The following FAR2 variants were observed in gnomAD, a reference collection of about 807,000 sequenced individuals.
FAR2 encodes the protein epididymis secretory protein Li 81.
FAR2 carries 19 observed loss-of-function variants against 56.0 expected under a neutral mutation model. The observed-to-expected ratio is 0.34, with a 90% confidence interval of 0.24 to 0.50. FAR2 has a LOEUF of 0.50. Ranked by LOEUF, FAR2 falls within the 20% of genes least tolerant of loss-of-function variation. The probability of loss-of-function intolerance (pLI) is 0.98; values close to 1 mark genes in which losing one functional copy is unlikely to be tolerated. For synonymous variants in FAR2, 219 were observed against 218.8 expected, an observed-to-expected ratio of 1.00 and a Z score of -0.01; for missense variants, 508 against 642.2, an observed-to-expected ratio of 0.79 and a Z score of 2.26.
intron 1 of FAR2, among the ~76,000 whole-genome samples, chr12:29,194,374 G>T (rs765715463): frequency 1.2e-4 from 19 of 152,044 alleles, no homozygotes; most frequent in Non-Finnish European, 1.2e-4. Flanking sequence ...AGCTAAATGC[G>T]CATTTCTTCC....
chr12:29,273,161 C>G (rs1948647633), intron 2 of FAR2, among the ~76,000 whole-genome samples: 1 of 152,118 alleles, frequency 6.6e-6, no homozygotes, highest in Non-Finnish European at 1.5e-5. Flanking sequence ...CACTTTGTCC[C>G]TTGGTGGAGA....
At chr12:29,285,691 C>A (rs1257690974) in intron 2 of FAR2, among the ~76,000 whole-genome samples, 1 of 152,134 alleles carries the variant, frequency 6.6e-6, no homozygotes, top group Non-Finnish European at 1.5e-5. Flanking sequence ...GAGGTCGAGG[C>A]AGACAGATCA....
At chr12:29,307,181 A>G (rs1490275221) in intron 4 of FAR2, among the ~76,000 whole-genome samples, 1 of 152,228 alleles carries the variant, frequency 6.6e-6, no homozygotes, top group African/African-American at 2.4e-5. Context: ...TATGTGTTCA[A>G]TGAGTGTACT....
intron 8 of FAR2, among the ~76,000 whole-genome samples, chr12:29,315,012 G>A (rs1246481542): frequency 6.6e-6 from 1 of 152,050 alleles, no homozygotes; most frequent in African/African-American, 2.4e-5. Flanking sequence ...AAACAAAACA[G>A]ACAAAATTTT....
At position 29,297,029 on chromosome 12, in the gene FAR2, T is replaced by C. The variant is rs1949083774; in HGVS notation, c.374T>C (p.Val125Ala). 6.2e-7 allele frequency: 1 copy of C among 1,606,364 alleles called. No homozygotes were observed. Among genetic ancestry groups the C allele is most frequent in the African/African-American group, 1.3e-5 (1 of 74,452 alleles). ...TGCTTAATCTTCTCTAGACATGCTG[T>C]GCAACTTAACGTCACTGCCACCCGG... The part of the protein sequence containing the change: ...VRFDDTLRHA[V>A]QLNVTATRQL... The change falls in exon 4 of 12, where the codon GTG becomes GCG. Residue 125 changes from valine to alanine, a missense_variant. Transcript: ENST00000536681.
At chr12:29,217,102 T>C (rs1160733298) in intron 1 of FAR2, among the ~76,000 whole-genome samples, 2 of 152,234 alleles carry the variant, frequency 1.3e-5, no homozygotes, top group Non-Finnish European at 2.9e-5. Flanking sequence ...GATTAGGATA[T>C]TCTGACTAGA....
chr12:29,238,689 G>A lies in FAR2; in HGVS notation c.-38-31723G>A, dbSNP rs567013365. ...ACCAACATTTGTGACATTTAATCCCGAGAAAAATGTAATTTATTTTGTTGT... is the reference window on the plus strand; with the variant it reads ...ACCAACATTTGTGACATTTAATCCCAAGAAAAATGTAATTTATTTTGTTGT... On this transcript the variant is annotated intron_variant, in intron 1 of 11. Coordinates refer to ENST00000536681, the MANE Select transcript of FAR2 (RefSeq NM_001271783.2). Among the ~76,000 whole-genome samples the A allele has an allele frequency of 7.9e-5, 12 of 152,168 alleles. No individual in the cohort carries two copies. In the East Asian group the frequency reaches 1.5e-3, roughly 20 times the overall value.
At chr12:29,305,532 ATTTTG>A (rs1331221446) in intron 4 of FAR2, among the ~76,000 whole-genome samples, 1 of 152,148 alleles carries the variant, frequency 6.6e-6, no homozygotes, top group East Asian at 1.9e-4. Context: ...TTATTGGCTC[ATTTTG>A]TTTTATCAAA....
At chr12:29,150,414 C>G (rs1165477842) in intron 1 of FAR2, among the ~76,000 whole-genome samples, 1 of 152,068 alleles carries the variant, frequency 6.6e-6, no homozygotes, top group African/African-American at 2.4e-5. Context: ...GAAAAGTGAC[C>G]AGGGAATTCA....
chr12:29,227,982 G>A (rs1207136016), intron 1 of FAR2, among the ~76,000 whole-genome samples: 2 of 152,144 alleles, frequency 1.3e-5, no homozygotes, highest in African/African-American at 2.4e-5. Context: ...GGCCTATCGT[G>A]GGGTGGGGGT....
Position 29,241,670 on chromosome 12 carries a change from T to C in FAR2, c.-38-28742T>C, listed in dbSNP as rs959873466. ...TAAAAGACGTATGAAATGTAAAATC[T>C]CCCTTCCTTTCCCAGATCAATATTT... On this transcript the variant is annotated intron_variant, in intron 1 of 11. Coordinates refer to ENST00000536681, the MANE Select transcript of FAR2 (RefSeq NM_001271783.2). Among the ~76,000 whole-genome samples the C allele has an allele frequency of 5.3e-5, 8 of 152,222 alleles. No individual in the cohort carries two copies. In the East Asian group the frequency reaches 5.8e-4, roughly 11 times the overall value.
intron 1 of FAR2, among the ~76,000 whole-genome samples, chr12:29,241,912 C>A (rs1470562497): frequency 1.3e-5 from 2 of 152,194 alleles, no homozygotes; most frequent in Non-Finnish European, 2.9e-5. Context: ...GTGAACAAAT[C>A]CCCCCTTTCC....
At chr12:29,192,779 T>C (rs1235414450) in intron 1 of FAR2, among the ~76,000 whole-genome samples, 3 of 152,150 alleles carry the variant, frequency 2.0e-5, no homozygotes, top group Admixed American at 2.0e-4. Flanking sequence ...AGGGATGAGG[T>C]CGATTAATTG....
chr12:29,204,341 A>T (rs1054197957), intron 1 of FAR2, among the ~76,000 whole-genome samples: 1 of 152,172 alleles, frequency 6.6e-6, no homozygotes, highest in Admixed American at 6.5e-5. Flanking sequence ...GGTGATATCA[A>T]GAGGTACATA....
chr12:29,247,211 T>C (rs1287184830), intron 1 of FAR2, among the ~76,000 whole-genome samples: 1 of 152,192 alleles, frequency 6.6e-6, no homozygotes, highest in Admixed American at 6.5e-5. Context: ...GAAATGTAAC[T>C]TTCCACATGG....
intron 1 of FAR2, among the ~76,000 whole-genome samples, chr12:29,189,887 A>C (rs933462562): frequency 1.3e-5 from 2 of 152,124 alleles, no homozygotes; most frequent in African/African-American, 2.4e-5. Flanking sequence ...TAGGATGGTA[A>C]CAAACAACAA....
intron 1 of FAR2, among the ~76,000 whole-genome samples, chr12:29,181,545 C>T (rs1949991806): frequency 6.6e-6 from 1 of 150,872 alleles, no homozygotes; most frequent in Non-Finnish European, 1.5e-5. Flanking sequence ...CACCACATAA[C>T]TCACTTCACA....
intron 1 of FAR2, among the ~76,000 whole-genome samples, chr12:29,214,870 G>A (rs1947602287): frequency 6.6e-6 from 1 of 151,842 alleles, no homozygotes; most frequent in Non-Finnish European, 1.5e-5. Flanking sequence ...TAAAGAACGT[G>A]AACATAGGTG....
intron 1 of FAR2, among the ~76,000 whole-genome samples, chr12:29,226,370 T>C (rs1037989459): frequency 1.3e-5 from 2 of 152,208 alleles, no homozygotes; most frequent in African/African-American, 4.8e-5. Flanking sequence ...ATGTGAGAAT[T>C]GTCTTCAAAT....
Sources: allele counts gnomAD v4.1 joint callset (sites outside exome capture counted in the v4.1 genomes callset), GRCh38; gene constraint gnomAD v4.1.1; transcripts MANE v1.5; gene names NCBI Gene and HGNC (gene_info 2026-07-23, HGNC 2026-07-21).